HS2ST1: variants seen among roughly 807,000 people sequenced by gnomAD.
HS2ST1 encodes the protein heparan sulfate 2-O-sulfotransferase 1.
In HS2ST1, 18 loss-of-function variants were observed where a neutral mutation model predicts 42.9. That is an observed-to-expected ratio of 0.42 (90% CI 0.29 to 0.62). The LOEUF is 0.62. Among genes scored for constraint, HS2ST1 ranks in the 20% least tolerant of loss-of-function variants. The probability of loss-of-function intolerance (pLI) is 0.21; values close to 1 mark genes in which losing one functional copy is unlikely to be tolerated. For missense variants in HS2ST1, 334 were observed against 433.8 expected (o/e 0.77, Z 2.04); for synonymous variants, 146 against 152.9 (o/e 0.95, Z 0.33).
intron 1 of HS2ST1, chr1:87,045,084 A>C: frequency 1.0e-6 from 1 of 982,614 alleles, no homozygotes; most frequent in South Asian, 1.3e-5. Context: ...ATCCGAATCA[A>C]CTGTGAGAAC....
intron 1 of HS2ST1, among the ~76,000 whole-genome samples, chr1:86,957,090 A>G (rs1340708934): frequency 6.6e-6 from 1 of 152,230 alleles, no homozygotes; most frequent in East Asian, 1.9e-4. Context: ...GTGGGCTTCA[A>G]GTTGTCAAGT....
At chr1:86,926,427 A>G (rs1315047407) in intron 1 of HS2ST1, among the ~76,000 whole-genome samples, 1 of 152,150 alleles carries the variant, frequency 6.6e-6, no homozygotes, top group Non-Finnish European at 1.5e-5. Flanking sequence ...CCTGAATTAG[A>G]CTGAGTTCTC....
At chr1:86,984,443 A>T (rs1172400138) in intron 1 of HS2ST1, among the ~76,000 whole-genome samples, 1 of 152,218 alleles carries the variant, frequency 6.6e-6, no homozygotes, top group Non-Finnish European at 1.5e-5. Flanking sequence ...CATTGAAGTG[A>T]GAGAAAATGG....
intron 2 of HS2ST1, among the ~76,000 whole-genome samples, chr1:87,077,401 ATC>A (rs1651573537): frequency 6.6e-6 from 1 of 152,166 alleles, no homozygotes; most frequent in African/African-American, 2.4e-5. Context: ...CTCCGCACTT[ATC>A]CTTTCCTCTT....
rs1411228546 is a variant in HS2ST1, at chr1:87,104,495, C to G, written c.870C>G (p.Thr290=). 14 of 1,611,306 alleles carry G rather than the reference C, an allele frequency of 8.7e-6. No individual in the cohort carries two copies. In the East Asian group the frequency reaches 3.1e-4, roughly 36 times the overall value. The stretch of plus-strand genomic sequence containing the variant: ...GAAAGAAATCTCATCTTAGGAAAAC[C>G]ACAGAGAAGAAACTCCCCACTAAAC... ...RTGKKSHLRK[T]TEKKLPTKQT... The change falls in exon 7 of 7, where the codon ACC becomes ACG. Residue 290 remains threonine, a synonymous_variant. Coordinates refer to ENST00000370550, the MANE Select transcript of HS2ST1 (RefSeq NM_012262.4).
rs576590501 is a variant in HS2ST1, at chr1:87,040,059, A to G, written c.125-32875A>G. The stretch of plus-strand genomic sequence containing the variant: ...AAGGAACAAAAGTAGTTTCCTTTTA[A>G]TAGATCCATTAATGGAAAACAAGCA... On this transcript the variant is annotated intron_variant, in intron 1 of 6. Transcript: ENST00000370550. Among the ~76,000 whole-genome samples the G allele has an allele frequency of 7.4e-4, 112 of 152,350 alleles. 1 individual carries two copies. The highest frequency in any genetic ancestry group is 1.3e-3 in the African/African-American group (52 of 41,586).
chr1:87,104,642 C>G lies in HS2ST1; in HGVS notation c.1017C>G (p.Leu339=). 1.2e-6 allele frequency: 2 copies of G among 1,613,642 alleles called. No homozygotes were observed. The highest frequency in any genetic ancestry group is 1.7e-6 in the Non-Finnish European group (2 of 1,179,610). ...CCGTTCGAGAAAAAGATGGAGACCT[C>G]TACATCCTCGCACAAAACTTTTTCT... ...AHAVREKDGD[L]YILAQNFFYE... The change falls in exon 7 of 7, where the codon CTC becomes CTG. Residue 339 remains leucine, a synonymous_variant. Transcript: ENST00000370550.
intron 1 of HS2ST1, among the ~76,000 whole-genome samples, chr1:86,964,457 G>A (rs1042687290): frequency 3.4e-4 from 52 of 152,350 alleles, no homozygotes; most frequent in African/African-American, 1.2e-3. Context: ...CCAACACAGC[G>A]AAACCCCGTC....
chr1:86,951,262 C>T (rs1380758989), intron 1 of HS2ST1, among the ~76,000 whole-genome samples: 3 of 152,222 alleles, frequency 2.0e-5, no homozygotes, highest in Non-Finnish European at 4.4e-5. Context: ...TAGGTAGACT[C>T]AATTGGAGAC....
intron 1 of HS2ST1, among the ~76,000 whole-genome samples, chr1:87,041,336 C>A (rs1334797819): frequency 6.7e-6 from 1 of 150,276 alleles, no homozygotes; most frequent in African/African-American, 2.4e-5. Context: ...GCAGTGAGCT[C>A]TGATCATGCC....
chr1:87,081,759 G>A (rs904659428), intron 2 of HS2ST1, among the ~76,000 whole-genome samples: 4 of 151,908 alleles, frequency 2.6e-5, no homozygotes, highest in East Asian at 1.9e-4. Context: ...AGGCCGAGGC[G>A]GGCAGATCAC....
intron 5 of HS2ST1, among the ~76,000 whole-genome samples, chr1:87,098,664 T>G (rs1219139503): frequency 6.6e-6 from 1 of 152,226 alleles, no homozygotes; most frequent in Admixed American, 6.5e-5. Context: ...AGCCTCATAA[T>G]AGTATAAGAA....
At chr1:87,054,230 C>T (rs1570515764) in intron 1 of HS2ST1, among the ~76,000 whole-genome samples, 1 of 152,264 alleles carries the variant, frequency 6.6e-6, no homozygotes, top group East Asian at 1.9e-4. Flanking sequence ...TAGATGTTTG[C>T]ACAGGGCTTC....
chr1:87,091,033 C>T (rs1651926758), intron 3 of HS2ST1, among the ~76,000 whole-genome samples: 1 of 151,948 alleles, frequency 6.6e-6, no homozygotes, highest in Non-Finnish European at 1.5e-5. Context: ...TATTTTTCTC[C>T]TTTGCACTTT....
chr1:87,004,313 C>T (rs1354192442), intron 1 of HS2ST1, among the ~76,000 whole-genome samples: 1 of 152,038 alleles, frequency 6.6e-6, no homozygotes, highest in African/African-American at 2.4e-5. Flanking sequence ...AGTGTTTGAA[C>T]CTGGGAGGTG....
chr1:86,952,901 T>C (rs1200149928), intron 1 of HS2ST1, among the ~76,000 whole-genome samples: 1 of 152,228 alleles, frequency 6.6e-6, no homozygotes, highest in Non-Finnish European at 1.5e-5. Context: ...GTCACTAGCT[T>C]TCTTTAGTTC....
intron 1 of HS2ST1, among the ~76,000 whole-genome samples, chr1:87,028,454 CA>C (rs1322593651): frequency 6.6e-6 from 1 of 152,218 alleles, no homozygotes; most frequent in Non-Finnish European, 1.5e-5. Flanking sequence ...AGTATCCCAA[CA>C]AATAGCACCA....
chr1:87,068,864 AT>A lies in HS2ST1; in HGVS notation c.125-4061del, dbSNP rs943949233. 4.0e-5 allele frequency among the ~76,000 whole-genome samples: 6 copies of A among 151,856 alleles called. No homozygotes were observed. The South Asian group carries it at 1.0e-3, about 26-fold the overall frequency. The stretch of plus-strand genomic sequence containing the variant: ...TGTATTTTTTATTTTTTTATTTAAA[AT>A]TTTTTTTTAAGAGATGGGGGTCTAG... On this transcript the variant is annotated intron_variant, in intron 1 of 6. Transcript: ENST00000370550.
chr1:87,084,214 A>G lies in HS2ST1; in HGVS notation c.384A>G (p.Ile128Met). ...LQDQVRFVKNITSWKEMKPGF... is the reference protein window; with the variant it reads ...LQDQVRFVKNMTSWKEMKPGF... ...TTTAGGTGCGCTTTGTAAAGAATAT[A>G]ACTTCCTGGAAAGAGATGAAACCAG... is the stretch of plus-strand genomic sequence containing the variant. The change falls in exon 3 of 7, where the codon ATA becomes ATG. Residue 128 changes from isoleucine to methionine, a missense_variant. Transcript: ENST00000370550. 6.2e-7 allele frequency: 1 copy of G among 1,603,316 alleles called. No homozygotes were observed. Among genetic ancestry groups the G allele is most frequent in the Non-Finnish European group, 8.5e-7 (1 of 1,174,624 alleles).
Sources: gnomAD v4.1 joint callset for allele counts (sites outside exome capture counted in the v4.1 genomes callset) on GRCh38, gnomAD v4.1.1 for gene constraint, MANE v1.5 for transcripts, NCBI Gene and HGNC (gene_info 2026-07-23, HGNC 2026-07-21) for gene names.